Variants in STRIP1 observed in about 807,000 individuals in gnomAD.
The protein encoded by STRIP1 is striatin interacting protein 1.
Under a neutral mutation model 106.2 loss-of-function variants are expected in STRIP1, and 63 were observed. The ratio of observed to expected loss-of-function variants is 0.59; its 90% CI spans 0.48 to 0.73. STRIP1 has a LOEUF of 0.73. STRIP1 is among the 30% of genes least tolerant of loss of function. The probability of loss-of-function intolerance (pLI) is 0.00; values close to 1 mark genes in which losing one functional copy is unlikely to be tolerated. For synonymous variants in STRIP1, 390 were observed against 413.0 expected (o/e 0.94, Z 0.67); for missense variants, 857 against 1,074.8 (o/e 0.80, Z 2.83).
At chr1:110,039,795 T>C in intron 5 of STRIP1, 1 of 1,343,394 alleles carries the variant, frequency 7.4e-7, no homozygotes, top group Non-Finnish European at 9.8e-7. Context: ...AGGAGACTCT[T>C]CACTTTGAGC....
At chr1:110,037,516 A>C (rs1035007660) in intron 1 of STRIP1, among the ~76,000 whole-genome samples, 1 of 152,234 alleles carries the variant, frequency 6.6e-6, no homozygotes, top group African/African-American at 2.4e-5. Flanking sequence ...ACTGCACAAA[A>C]TACATAGAAA....
At chr1:110,036,588 G>T (rs906926489) in intron 1 of STRIP1, among the ~76,000 whole-genome samples, 1 of 152,186 alleles carries the variant, frequency 6.6e-6, no homozygotes, top group African/African-American at 2.4e-5. Context: ...AGTCATAGCT[G>T]AAATCGGTAG....
At position 110,044,863 on chromosome 1, in the gene STRIP1, T is replaced by C. The variant is rs1557792412; in HGVS notation, c.1310T>C (p.Leu437Pro). Residue 437 changes from leucine to proline, a missense_variant, in exon 11 of 21, where the codon CTT (leucine) becomes CCT (proline). By Grantham distance (98) the Leu-to-Pro change is moderately conservative. Around this residue, in one of 2 missense-constraint regions of STRIP1, gnomAD observed 750 missense variants for 989.8 expected, o/e 0.76. Transcript: ENST00000369795. ...KVREKDIEMF[L>P]ESSRSKFIGY... The stretch of plus-strand genomic sequence containing the variant: ...AGAGAGAAAGACATTGAGATGTTCC[T>C]TGAGTCCAGCCGCAGCAAATTTATA... 6.2e-7 allele frequency: 1 copy of C among 1,614,252 alleles called. No individual in the cohort carries two copies. The highest frequency in any genetic ancestry group is 8.5e-7 in the Non-Finnish European group (1 of 1,180,040).
In STRIP1 at chr1:110,045,073, A is replaced by G; in HGVS notation, c.1411A>G (p.Lys471Glu). Residue 471 changes from lysine to glutamate, a missense_variant, in exon 12 of 21, where the codon AAA becomes GAA. Lys to Glu is a moderately conservative substitution (Grantham distance 56). Around this residue, in one of 2 missense-constraint regions of STRIP1, gnomAD observed 750 missense variants for 989.8 expected, o/e 0.76. Coordinates refer to ENST00000369795, the MANE Select transcript of STRIP1 (RefSeq NM_033088.4). ...RPIHESIKTL[K>E]QHKYTSIAEV... ...AATCCACGAAAGCATCAAGACTCTG[A>G]AACAGGTGAGTGGCTTTGGGTGAGC... 6.2e-7 allele frequency: 1 copy of G among 1,614,060 alleles called. No individual in the cohort carries two copies. Among genetic ancestry groups the G allele is most frequent in the South Asian group, 1.1e-5 (1 of 91,072 alleles).
rs763446096 is a variant in STRIP1 at position 110,034,742 on chromosome 1, ACCGCGGGCCG to A, written c.115_124del (p.Ala39SerfsTer54). On this transcript the variant is annotated frameshift_variant, in exon 1 of 21. Coordinates refer to ENST00000369795, the MANE Select transcript of STRIP1 (RefSeq NM_033088.4). LOFTEE classifies it high-confidence loss of function. ...CAGCCGCACAGCCACCACCCGGGGC[ACCGCGGGCCG>A]CCGCGGGCCTCCTGCCTGGGGGCAA... 7 of 1,471,608 alleles carry A rather than the reference ACCGCGGGCCG, an allele frequency of 4.8e-6. No individual in the cohort carries two copies. The highest frequency in any genetic ancestry group is 4.1e-5 in the South Asian group (3 of 73,976). 91.2% of individuals were successfully genotyped at this position (1,471,608 alleles called of 1,614,324 possible).
At chr1:110,041,395 G>T in intron 6 of STRIP1, 141 bp from the exon 7 acceptor site, 7 of 617,642 alleles carry the variant, frequency 1.1e-5, no homozygotes, top group African/African-American at 3.7e-5. Context: ...AAATGCTTTT[G>T]GCCATTCTTG....
chr1:110,045,163 C>T, intron 12 of STRIP1, 85 bp downstream of exon 12: 1 of 1,266,680 alleles, frequency 7.9e-7, no homozygotes, highest in African/African-American at 1.5e-5. Context: ...CCTTTTAAGA[C>T]TGTTGTCTGC....
In STRIP1 at chr1:110,046,745, C is replaced by G. The variant is rs1653039369; in HGVS notation, c.1482C>G (p.Leu494=). ...AGGAGGAATACCTCCGCTCCCCTCT[C>G]TCAGGGGTAAGTTGGAGGTCCTCAG... ...QMEEEYLRSP[L]SGGEEEVEQV... is the part of the protein sequence containing the mutation. The change falls in exon 13 of 21, where the codon CTC becomes CTG. Residue 494 remains leucine, a synonymous_variant. Transcript: ENST00000369795. 6.2e-7 allele frequency: 1 copy of G among 1,611,830 alleles called. No homozygotes were observed. The highest frequency in any genetic ancestry group is 8.5e-7 in the Non-Finnish European group (1 of 1,178,394).
intron 20 of STRIP1, among the ~76,000 whole-genome samples, chr1:110,053,167 G>A (rs565318947): frequency 1.3e-5 from 2 of 152,350 alleles, no homozygotes; most frequent in South Asian, 4.1e-4. Flanking sequence ...TTCGCCCACA[G>A]TGTGTCTCCC....
intron 19 of STRIP1, among the ~76,000 whole-genome samples, chr1:110,051,283 C>T (rs1411991478): frequency 1.3e-5 from 2 of 152,212 alleles, no homozygotes; most frequent in Non-Finnish European, 2.9e-5. Flanking sequence ...TATAGAAGAA[C>T]TTTTTCCATG....
Position 110,043,027 on chromosome 1 carries a change from T to C in STRIP1, c.886-61T>C, listed in dbSNP as rs538457431. 680 of 1,485,756 alleles carry C rather than the reference T, an allele frequency of 4.6e-4. 5 individuals are homozygous for C. Among genetic ancestry groups the C allele is most frequent in the Non-Finnish European group, 5.6e-5 (61 of 1,097,680 alleles). 92.0% of individuals were successfully genotyped at this position (1,485,756 alleles called of 1,614,324 possible). A position where few individuals can be genotyped will look rare whatever the true frequency, so the allele number is the denominator to read the frequency against. ...ATGAATGTTTCTGAGCCTGACACAA[T>C]GGTCAGGGGCCAGCCTGTGGACACA... On this transcript the variant is annotated intron_variant, in intron 8 of 20. Coordinates refer to ENST00000369795, the MANE Select transcript of STRIP1 (RefSeq NM_033088.4).
At position 110,038,090 on chromosome 1, in the gene STRIP1, A is replaced by G. The variant is rs1242563776; in HGVS notation, c.250+130A>G. ...CTATCAAATATATATATATATATAT[A>G]TATATATATATATATATATATATGT... is the stretch of plus-strand genomic sequence containing the variant. On this transcript the variant is annotated intron_variant, in intron 2 of 20. Transcript: ENST00000369795. 3.8e-3 allele frequency: 597 copies of G among 158,824 alleles called. 66 individuals carry two copies. Among genetic ancestry groups the G allele is most frequent in the South Asian group, 0.018 (90 of 4,924 alleles). 9.8% of individuals were successfully genotyped at this position (158,824 alleles called of 1,614,324 possible).
intron 5 of STRIP1, chr1:110,039,757 C>G: frequency 1.6e-6 from 2 of 1,214,342 alleles, no homozygotes; most frequent in Non-Finnish European, 2.3e-6. Flanking sequence ...CAGTGCAGGC[C>G]CTGCCCAGGC....
chr1:110,039,729 CAG>C (rs1652665502), intron 5 of STRIP1: 1 of 1,069,748 alleles, frequency 9.3e-7, no homozygotes, highest in Non-Finnish European at 1.3e-6. Flanking sequence ...TCCCTGATGC[CAG>C]AGTTTTTACA....
chr1:110,051,990 T>C, intron 20 of STRIP1, 103 bp downstream of exon 20: 1 of 1,250,086 alleles, frequency 8.0e-7, no homozygotes, highest in Non-Finnish European at 1.1e-6. Context: ...GCCCTGAGCT[T>C]CCCCCCAAGG....
At chr1:110,049,833 T>TA in intron 17 of STRIP1, 1 of 380,868 alleles carries the variant, frequency 2.6e-6, no homozygotes, top group East Asian at 4.8e-5. Flanking sequence ...GTCCCTTCTG[T>TA]ACTTTTTTTT....
intron 12 of STRIP1, chr1:110,045,402 A>G (rs557318940): frequency 5.3e-4 from 162 of 308,008 alleles, no homozygotes; most frequent in African/African-American, 3.2e-3. Context: ...GTTTGAGCAC[A>G]GGAGATCAAG....
intron 10 of STRIP1, among the ~76,000 whole-genome samples, chr1:110,044,204 T>C (rs973289462): frequency 6.6e-6 from 1 of 152,222 alleles, no homozygotes; most frequent in Non-Finnish European, 1.5e-5. Context: ...TTAACAAAAA[T>C]GATAGATTAA....
chr1:110,043,376 GC>G, intron 9 of STRIP1, 106 bp downstream of exon 9: 1 of 1,235,598 alleles, frequency 8.1e-7, no homozygotes, highest in Non-Finnish European at 1.1e-6. Flanking sequence ...TCTCTGATCA[GC>G]CAGTCAGAAT....
Sources: gnomAD v4.1 joint callset for allele counts (sites outside exome capture counted in the v4.1 genomes callset) on GRCh38, gnomAD v4.1.1 for gene constraint, gnomAD v4.1.1 regional missense constraint, MANE v1.5 for transcripts, NCBI Gene and HGNC (gene_info 2026-07-23, HGNC 2026-07-21) for gene names.